Variants in PCDHGA11 observed in about 807,000 individuals in gnomAD.
PCDHGA11 encodes protocadherin gamma-A11.
A neutral mutation model predicts 60.4 loss-of-function variants in PCDHGA11; 39 were observed. The observed-to-expected ratio is 0.65, with a 90% CI of 0.50 to 0.84. PCDHGA11 has a LOEUF of 0.84. PCDHGA11 is among the 40% of genes least tolerant of loss of function. The probability of loss-of-function intolerance (pLI) is 0.00; values close to 1 mark genes in which losing one functional copy is unlikely to be tolerated. For synonymous variants in PCDHGA11, 533 were observed against 510.3 expected (o/e 1.04, Z -0.60); for missense variants, 1,165 against 1,197.7 (o/e 0.97, Z 0.40).
chr5:141,494,428 G>A (rs1476469017), intron 1 of PCDHGA11, among the ~76,000 whole-genome samples: 1 of 152,148 alleles, frequency 6.6e-6, no homozygotes, highest in African/African-American at 2.4e-5. Flanking sequence ...TCATTGAAAA[G>A]CCTCCTTTGC....
chr5:141,498,971 G>GGGAA (rs201769957), intron 2 of PCDHGA11, among the ~76,000 whole-genome samples: 8,226 of 110,874 alleles, frequency 0.074, 335 homozygotes, highest in Middle Eastern at 0.11. Flanking sequence ...GAGGGAGGGA[G>GGGAA]GGAAGGAAGG....
At chr5:141,468,330 C>CAAAAAAAAAAAA (rs533390277) in intron 1 of PCDHGA11, 1 of 79,864 alleles carries the variant, frequency 1.3e-5, no homozygotes, top group African/African-American at 3.9e-5. Context: ...AACTCCATCT[C>CAAAAAAAAAAAA]AAAAAAAAAA....
rs549842756 is a variant in PCDHGA11 at position 141,470,331 on chromosome 5, A to T, written c.2434-24476A>T. ...TTTCCTCAAATGATCCCATAATTTG[A>T]CCTTAGGAAGCTGTTCAAATAGACA... is the stretch of plus-strand genomic sequence containing the variant. On this transcript the variant is annotated intron_variant, in intron 1 of 3. Transcript: ENST00000398587. 3.3e-4 allele frequency among the ~76,000 whole-genome samples: 50 copies of T among 152,244 alleles called. 1 individual carries two copies. Among genetic ancestry groups the T allele is most frequent in the African/African-American group, 1.1e-3 (47 of 41,536 alleles).
intron 2 of PCDHGA11, among the ~76,000 whole-genome samples, chr5:141,503,909 C>T (rs904260329): frequency 1.3e-5 from 2 of 152,156 alleles, no homozygotes; most frequent in Admixed American, 1.3e-4. Flanking sequence ...ACACACACAA[C>T]GCAACACACA....
rs1428628914 is a variant in PCDHGA11, at chr5:141,487,223, G to A, written c.2434-7584G>A. 1.2e-6 allele frequency: 2 copies of A among 1,614,076 alleles called. No homozygotes were observed. The highest frequency in any genetic ancestry group is 2.2e-5 in the East Asian group (1 of 44,866). The stretch of plus-strand genomic sequence containing the variant: ...TCTTCGAGAATCTTCAGCTCCAAGG[G>A]AAGGAGAATCTCGTCTAACCCTCTA... On this transcript the variant is annotated intron_variant, in intron 1 of 3. Transcript: ENST00000398587. This position sits in a 1 kb window ranked among gnomAD's most constrained non-coding sequence, Gnocchi z 5.0.
In PCDHGA11 at chr5:141,476,177, C is replaced by T. The variant is rs1221752964; in HGVS notation, c.2434-18630C>T. On this transcript the variant is annotated intron_variant, in intron 1 of 3. Transcript: ENST00000398587. The surrounding 1 kb of genome is among the most constrained non-coding windows in gnomAD (Gnocchi z 7.6). ...CACCGGGAGGGTAGTGGGAGTTTTG[C>T]TTCTGCTTGGTGCCTTGAACAAGGC... 6.2e-7 allele frequency: 1 copy of T among 1,613,436 alleles called. No individual in the cohort carries two copies. Among genetic ancestry groups the T allele is most frequent in the Non-Finnish European group, 8.5e-7 (1 of 1,179,944 alleles).
intron 1 of PCDHGA11, among the ~76,000 whole-genome samples, chr5:141,475,204 A>G (rs2099360413): frequency 6.6e-6 from 1 of 152,176 alleles, no homozygotes; most frequent in African/African-American, 2.4e-5. Flanking sequence ...AGATCTTGGG[A>G]AAAGGATTGA....
intron 1 of PCDHGA11, among the ~76,000 whole-genome samples, chr5:141,482,940 G>T (rs1245833250): frequency 6.6e-6 from 1 of 152,026 alleles, no homozygotes; most frequent in East Asian, 1.9e-4. Context: ...AGGTGTGGTT[G>T]TGGGTGCCTG....
intron 1 of PCDHGA11, chr5:141,427,787 C>A (rs2097070880): frequency 6.8e-7 from 1 of 1,478,064 alleles, no homozygotes; most frequent in Non-Finnish European, 9.4e-7. Context: ...CACTGTCGTC[C>A]TACGTGTCCG....
rs2097422953 is a variant in PCDHGA11 at position 141,431,840 on chromosome 5, C to A, written c.2433+8180C>A. The A allele has an allele frequency of 1.9e-6, 3 of 1,614,248 alleles. No homozygotes were observed. The highest frequency in any genetic ancestry group is 1.6e-4 in the Middle Eastern group (1 of 6,062). ...CGCCAGCTCGGTTCCCGAAAACTCT[C>A]CCAGAGGGACATTAATTGCCCTTTT... On this transcript the variant is annotated intron_variant, in intron 1 of 3. Transcript: ENST00000398587. The surrounding 1 kb of genome is among the most constrained non-coding windows in gnomAD (Gnocchi z 4.8).
intron 1 of PCDHGA11, chr5:141,441,971 G>C: frequency 3.3e-6 from 1 of 298,820 alleles, no homozygotes; most frequent in Admixed American, 4.4e-5. Flanking sequence ...AGGCTCTTCA[G>C]CCTGGAATGC....
intron 1 of PCDHGA11, chr5:141,478,902 GCTGCTGGATAC>G: frequency 1.0e-6 from 1 of 978,788 alleles, no homozygotes. Context: ...TTAGGAATAA[GCTGCTGGATAC>G]CTCTAACCAG....
intron 1 of PCDHGA11, among the ~76,000 whole-genome samples, chr5:141,455,650 C>T (rs1176718096): frequency 2.6e-5 from 4 of 151,994 alleles, no homozygotes; most frequent in African/African-American, 9.7e-5. Flanking sequence ...AGCCATGTGG[C>T]CAGGAACTTG....
intron 1 of PCDHGA11, chr5:141,439,852 G>A (rs182049678): frequency 1.3e-5 from 2 of 152,474 alleles, no homozygotes; most frequent in African/African-American, 4.8e-5. Context: ...CTGTGGAAAA[G>A]GTGGGGAATG....
rs1452602466 is a variant in PCDHGA11 at position 141,481,941 on chromosome 5, C to A, written c.2434-12866C>A. Among the ~76,000 whole-genome samples, 4 of 146,990 alleles carry A rather than the reference C, an allele frequency of 2.7e-5. No individual in the cohort carries two copies. The Admixed American group carries it at 2.7e-4, about 10-fold the overall frequency. On this transcript the variant is annotated intron_variant, in intron 1 of 3. Coordinates refer to ENST00000398587, the MANE Select transcript of PCDHGA11 (RefSeq NM_018914.3). ...AAAAAAAAAAAAAAAAAAAATCAGC[C>A]AGATGTGGTGGCAGGTGCCTGTAGT...
At position 141,477,681 on chromosome 5, in the gene PCDHGA11, T is replaced by C; in HGVS notation, c.2434-17126T>C. On this transcript the variant is annotated intron_variant, in intron 1 of 3. Coordinates refer to ENST00000398587, the MANE Select transcript of PCDHGA11 (RefSeq NM_018914.3). The surrounding 1 kb of genome is among the most constrained non-coding windows in gnomAD (Gnocchi z 4.9). The stretch of plus-strand genomic sequence containing the variant: ...CGTGACAATGGCATAGTGTCATCCT[T>C]AGTGCCCCTAGACTATGAGGATCGG... 6.2e-7 allele frequency: 1 copy of C among 1,614,180 alleles called. No individual in the cohort carries two copies. The highest frequency in any genetic ancestry group is 8.5e-7 in the Non-Finnish European group (1 of 1,180,046).
At chr5:141,496,588 C>T (rs775641672) in intron 2 of PCDHGA11, among the ~76,000 whole-genome samples, 9 of 152,280 alleles carry the variant, frequency 5.9e-5, no homozygotes, top group Non-Finnish European at 1.0e-4. Context: ...GAACGCAAAG[C>T]GCTTCTTAGA....
In PCDHGA11 at chr5:141,421,400, G is replaced by A. The variant is rs2096569762; in HGVS notation, c.173G>A (p.Arg58Gln). Residue 58 changes from arginine (R) to glutamine (Q), a missense_variant, in exon 1 of 4, where the codon CGG becomes CAG. Coordinates refer to ENST00000398587, the MANE Select transcript of PCDHGA11 (RefSeq NM_018914.3). ...NISKDLGLEP[R>Q]ELAKRGVRIV... Reference sequence around the variant, plus strand: ...TCCAAGGACCTGGGGCTGGAGCCCCGGGAGCTGGCGAAGCGCGGAGTCCGC... The same window carrying A: ...TCCAAGGACCTGGGGCTGGAGCCCCAGGAGCTGGCGAAGCGCGGAGTCCGC... 1 of 1,614,060 alleles carries A rather than the reference G, an allele frequency of 6.2e-7. No individual in the cohort carries two copies. Among genetic ancestry groups the A allele is most frequent in the Non-Finnish European group, 8.5e-7 (1 of 1,179,912 alleles).
intron 1 of PCDHGA11, among the ~76,000 whole-genome samples, chr5:141,438,216 T>A (rs2097938802): frequency 6.6e-6 from 1 of 152,158 alleles, no homozygotes; most frequent in Non-Finnish European, 1.5e-5. Flanking sequence ...TGGGAAGGGC[T>A]CTGGTTCAGG....
Sources: gnomAD v4.1 joint callset for allele counts (sites outside exome capture counted in the v4.1 genomes callset) on GRCh38, gnomAD v4.1.1 for gene constraint, Gnocchi (gnomAD v3.1) non-coding constraint, MANE v1.5 for transcripts, NCBI Gene and HGNC (gene_info 2026-07-23, HGNC 2026-07-21) for gene names.